Variants in EYS observed in about 807,000 individuals in gnomAD.
EYS encodes the protein EGF-like photoreceptor maintenance factor.
EYS carries 250 observed loss-of-function variants against 282.1 expected under a neutral mutation model. The observed-to-expected ratio is 0.89, with a 90% CI of 0.80 to 0.98. EYS has a LOEUF of 0.98. Ranked by LOEUF, EYS falls within the 50% of genes least tolerant of loss-of-function variation. The pLI, the probability that EYS is intolerant of heterozygous loss-of-function variation, is 0.00. For missense variants in EYS, 4,016 were observed against 3,709.0 expected (o/e 1.08, Z -2.15); for synonymous variants, 1,355 against 1,282.9 (o/e 1.06, Z -1.20).
intron 29 of EYS, among the ~76,000 whole-genome samples, chr6:64,346,452 A>T (rs1351519147): frequency 6.6e-6 from 1 of 151,926 alleles, no homozygotes; most frequent in African/African-American, 2.4e-5. Context: ...TATCACAAGG[A>T]CAAAAAACCA....
At chr6:65,195,703 A>C (rs1043377222) in intron 12 of EYS, among the ~76,000 whole-genome samples, 3 of 152,030 alleles carry the variant, frequency 2.0e-5, no homozygotes, top group African/African-American at 7.2e-5. Context: ...ACTTGTGAGC[A>C]CACCATGAAC....
At chr6:65,353,707 C>T (rs1582176639) in intron 8 of EYS, 90 bp from the exon 9 acceptor site, 1 of 1,072,622 alleles carries the variant, frequency 9.3e-7, no homozygotes, top group East Asian at 2.6e-5. Context: ...ATTTTTAAAA[C>T]CACAGTGATT....
chr6:65,652,850 T>G (rs1203051950), intron 1 of EYS, among the ~76,000 whole-genome samples: 1 of 152,072 alleles, frequency 6.6e-6, no homozygotes, highest in Non-Finnish European at 1.5e-5. Flanking sequence ...AACTACATTT[T>G]GAATCAGTGA....
At chr6:64,498,312 A>G (rs2150510226) in intron 26 of EYS, among the ~76,000 whole-genome samples, 1 of 152,298 alleles carries the variant, frequency 6.6e-6, no homozygotes, top group South Asian at 2.1e-4. Context: ...AGCGAAGGTA[A>G]CAAAGCTAAT....
intron 12 of EYS, among the ~76,000 whole-genome samples, chr6:65,293,416 T>A (rs1025531722): frequency 1.3e-5 from 2 of 151,826 alleles, no homozygotes; most frequent in Non-Finnish European, 2.9e-5. Flanking sequence ...TTGATTGGAA[T>A]CAGTTTTAAA....
chr6:65,244,946 T>C (rs903316371), intron 12 of EYS, among the ~76,000 whole-genome samples: 1 of 152,214 alleles, frequency 6.6e-6, no homozygotes, highest in Admixed American at 6.5e-5. Flanking sequence ...ATTCGAAAGA[T>C]TTGGCTTATT....
chr6:65,366,140 A>G (rs887663101), intron 8 of EYS, among the ~76,000 whole-genome samples: 2 of 151,700 alleles, frequency 1.3e-5, no homozygotes, highest in Non-Finnish European at 2.9e-5. Context: ...ATAAATTAGT[A>G]AAGTATGTAC....
rs1317181176 is a variant in EYS at position 64,633,415 on chromosome 6, A to C, written c.3444-7170T>G. ...ACAGTATTTAAACTTCATTAATTTG[A>C]AATGATCCATATGCAGAAATTAAGA... On this transcript the variant is annotated intron_variant, in intron 22 of 42. Transcript: ENST00000503581. Among the ~76,000 whole-genome samples the C allele has an allele frequency of 4.6e-5, 7 of 152,148 alleles. No homozygotes were observed. In the East Asian group the frequency reaches 1.4e-3, roughly 29 times the overall value.
chr6:65,012,128 A>G (rs1165883098), intron 13 of EYS, among the ~76,000 whole-genome samples: 1 of 152,210 alleles, frequency 6.6e-6, no homozygotes, highest in Non-Finnish European at 1.5e-5. Flanking sequence ...TCTAATCTTA[A>G]TAGAAATACT....
intron 35 of EYS, among the ~76,000 whole-genome samples, chr6:63,966,928 T>G (rs934582839): frequency 6.6e-6 from 1 of 152,218 alleles, no homozygotes; most frequent in Non-Finnish European, 1.5e-5. Context: ...TGCTTGAGAC[T>G]GTAGACAGTA....
intron 32 of EYS, among the ~76,000 whole-genome samples, chr6:64,075,939 C>A (rs769085824): frequency 6.6e-6 from 1 of 151,958 alleles, no homozygotes; most frequent in Non-Finnish European, 1.5e-5. Flanking sequence ...CAAATTCTGA[C>A]ACTGTCTGAT....
chr6:65,377,416 A>G (rs1765411556), intron 8 of EYS, among the ~76,000 whole-genome samples: 2 of 152,214 alleles, frequency 1.3e-5, no homozygotes, highest in Admixed American at 6.5e-5. Context: ...CCCACATCAG[A>G]AAGCAGGAAA....
chr6:64,523,548 A>C (rs918444985), intron 26 of EYS, among the ~76,000 whole-genome samples: 1 of 151,832 alleles, frequency 6.6e-6, no homozygotes, highest in Admixed American at 6.6e-5. Context: ...GGAATGGAAG[A>C]CACAACACCC....
chr6:65,266,809 A>G lies in EYS; in HGVS notation c.2023+29054T>C, dbSNP rs540859039. 7.9e-5 allele frequency among the ~76,000 whole-genome samples: 12 copies of G among 151,346 alleles called. No homozygotes were observed. In the East Asian group the frequency reaches 2.1e-3, roughly 27 times the overall value. The stretch of plus-strand genomic sequence containing the variant: ...TAATTTCTACTTAAGCTACTCTACA[A>G]TATCTGTTTAATAAAAAAAACTGAA... On this transcript the variant is annotated intron_variant, in intron 12 of 42. Transcript: ENST00000503581.
chr6:65,354,278 T>C (rs1473202955), intron 8 of EYS, among the ~76,000 whole-genome samples: 1 of 152,118 alleles, frequency 6.6e-6, no homozygotes, highest in Middle Eastern at 3.2e-3. Context: ...GTATTCTCTT[T>C]AGAGCATACC....
At chr6:65,131,482 T>C (rs1274541860) in intron 12 of EYS, among the ~76,000 whole-genome samples, 2 of 151,912 alleles carry the variant, frequency 1.3e-5, no homozygotes, top group East Asian at 3.9e-4. Context: ...TGAATGAGTT[T>C]TGAGTAAATA....
At chr6:65,056,170 T>C (rs536612138) in intron 13 of EYS, among the ~76,000 whole-genome samples, 23 of 152,200 alleles carry the variant, frequency 1.5e-4, no homozygotes, top group Middle Eastern at 3.4e-3. Flanking sequence ...ATTCTAGCTT[T>C]GATCATTGGG....
chr6:63,858,480 A>G (rs1772450288), intron 36 of EYS, among the ~76,000 whole-genome samples: 1 of 152,212 alleles, frequency 6.6e-6, no homozygotes, highest in South Asian at 2.1e-4. Context: ...AGAGGGAAAA[A>G]GTGAAAGGCA....
chr6:64,551,933 T>C (rs1405060068), intron 26 of EYS, among the ~76,000 whole-genome samples: 1 of 152,212 alleles, frequency 6.6e-6, no homozygotes, highest in Non-Finnish European at 1.5e-5. Flanking sequence ...ATTGTGGTTT[T>C]GATATGCATT....
Sources: gnomAD v4.1 joint callset for allele counts (sites outside exome capture counted in the v4.1 genomes callset) on GRCh38, gnomAD v4.1.1 for gene constraint, MANE v1.5 for transcripts, NCBI Gene and HGNC (gene_info 2026-07-23, HGNC 2026-07-21) for gene names.